The following HADH variants were observed in gnomAD, a reference collection of about 807,000 sequenced individuals.
The protein encoded by HADH is hydroxyacyl-CoA dehydrogenase, also known as hydroxyacyl-coenzyme A dehydrogenase, mitochondrial.
In HADH, 24 loss-of-function variants were observed where a neutral mutation model predicts 32.2. The observed-to-expected ratio is 0.75, with a 90% confidence interval of 0.54 to 1.05. The LOEUF is 1.05. Ranked by LOEUF, HADH falls within the 50% of genes least tolerant of loss-of-function variation. The pLI, the probability that HADH is intolerant of heterozygous loss-of-function variation, is 0.00. For synonymous variants in HADH, 139 were observed against 152.5 expected, an observed-to-expected ratio of 0.91 and a Z score of 0.65; for missense variants, 350 against 397.1, an observed-to-expected ratio of 0.88 and a Z score of 1.01.
chr4:108,004,670 G>A, intron 1 of HADH: 1 of 1,521,412 alleles, frequency 6.6e-7, no homozygotes, highest in African/African-American at 1.4e-5. Context: ...ATAGGAAAGA[G>A]GTTGGCCTCA....
chr4:108,028,834 A>G (rs978147070), intron 6 of HADH: 5 of 397,946 alleles, frequency 1.3e-5, no homozygotes, highest in African/African-American at 6.2e-5. Context: ...CTCACTGTCC[A>G]TTTGATGCAT....
chr4:108,016,409 A>T (rs903478857), intron 3 of HADH, among the ~76,000 whole-genome samples: 3 of 152,170 alleles, frequency 2.0e-5, no homozygotes, highest in African/African-American at 4.8e-5. Flanking sequence ...CCTTTCTGTC[A>T]TCTGTCCATC....
intron 6 of HADH, chr4:108,032,196 C>T: frequency 1.8e-6 from 1 of 563,516 alleles, no homozygotes; most frequent in Non-Finnish European, 3.3e-6. Context: ...CCACCTGTTG[C>T]AGACTATTCT....
At chr4:108,009,423 C>T (rs1342224218) in intron 1 of HADH, among the ~76,000 whole-genome samples, 1 of 152,210 alleles carries the variant, frequency 6.6e-6, no homozygotes, top group Non-Finnish European at 1.5e-5. Flanking sequence ...GTGTTAAAAT[C>T]AGTACAGAGA....
intron 6 of HADH, 30 bp from the exon 7 acceptor site, chr4:108,033,146 G>A (rs759779773): frequency 4.9e-6 from 5 of 1,020,012 alleles, no homozygotes; most frequent in Non-Finnish European, 6.3e-6. Context: ...GAAAGGTGGT[G>A]GTGACCCAGT....
At chr4:107,996,097 GA>G (rs1734950934) in intron 1 of HADH, among the ~76,000 whole-genome samples, 1 of 152,292 alleles carries the variant, frequency 6.6e-6, no homozygotes, top group East Asian at 1.9e-4. Context: ...CTCCATACCA[GA>G]AAAGGCTCTG....
intron 6 of HADH, chr4:108,028,790 G>GCAT (rs1736155097): frequency 5.0e-6 from 2 of 397,394 alleles, no homozygotes; most frequent in Non-Finnish European, 8.9e-6. Flanking sequence ...TTAGAATGTA[G>GCAT]CATGTGAGAG....
chr4:108,016,751 C>T lies in HADH; in HGVS notation c.419+2163C>T, dbSNP rs186110567. On this transcript the variant is annotated intron_variant, in intron 3 of 7. Coordinates refer to ENST00000309522, the MANE Select transcript of HADH (RefSeq NM_005327.7). ...CCAGCCTTGGAAAGGTCCTCAGTTT[C>T]GTCATCTGTAATGCAAGTTGAGGTG... 1.7e-4 allele frequency among the ~76,000 whole-genome samples: 26 copies of T among 152,272 alleles called. No individual in the cohort carries two copies. In the East Asian group the frequency reaches 3.9e-3, roughly 23 times the overall value.
chr4:108,011,954 TG>T lies in HADH; in HGVS notation c.261+2068del, dbSNP rs1241776876. On this transcript the variant is annotated intron_variant, in intron 2 of 7. Transcript: ENST00000309522. Reference sequence around the variant, plus strand: ...CTACCCAGGCTGGAGAGCAGTGGCATGATCATAGTTCACTATAGCCTTGAAC... The same window carrying T: ...CTACCCAGGCTGGAGAGCAGTGGCATATCATAGTTCACTATAGCCTTGAAC... Among the ~76,000 whole-genome samples the T allele has an allele frequency of 3.3e-5, 5 of 152,262 alleles. 1 individual carries two copies. The highest frequency in any genetic ancestry group is 1.2e-4 in the African/African-American group (5 of 41,548).
intron 6 of HADH, chr4:108,032,361 G>A (rs753286034): frequency 2.5e-6 from 4 of 1,600,232 alleles, no homozygotes; most frequent in Middle Eastern, 1.7e-4. Context: ...ACTCGGGTTT[G>A]GGCTTTTCTT....
intron 1 of HADH, among the ~76,000 whole-genome samples, chr4:107,999,649 C>T (rs1005960830): frequency 1.2e-4 from 18 of 152,168 alleles, no homozygotes; most frequent in Admixed American, 4.6e-4. Context: ...GAAAAAATAG[C>T]TCTGTCATTC....
At chr4:108,023,111 G>A (rs1369280564) in intron 4 of HADH, among the ~76,000 whole-genome samples, 2 of 151,494 alleles carry the variant, frequency 1.3e-5, no homozygotes, top group Non-Finnish European at 2.9e-5. Flanking sequence ...CTTCTGCCTG[G>A]GCCTCCCAAG....
At chr4:108,016,560 CA>C (rs1204909100) in intron 3 of HADH, among the ~76,000 whole-genome samples, 3 of 152,204 alleles carry the variant, frequency 2.0e-5, no homozygotes, top group Non-Finnish European at 4.4e-5. Context: ...ACAGCCACCC[CA>C]AAAAAGGGAG....
intron 5 of HADH, chr4:108,027,257 G>A (rs901071197): frequency 3.2e-6 from 1 of 316,376 alleles, no homozygotes. Flanking sequence ...TGGGTGTAGG[G>A]CTGTGTGTAC....
intron 6 of HADH, chr4:108,028,867 A>G (rs1038694866): frequency 1.3e-5 from 5 of 398,236 alleles, no homozygotes; most frequent in Non-Finnish European, 1.8e-5. Flanking sequence ...CAAGTATCAG[A>G]TGGTAAGTTG....
chr4:108,027,704 T>C lies in HADH; in HGVS notation c.653T>C (p.Ile218Thr). The C allele has an allele frequency of 2.5e-6, 4 of 1,608,810 alleles. No homozygotes were observed. In the East Asian group the frequency reaches 6.7e-5, roughly 27 times the overall value. Residue 218 changes from isoleucine (I) to threonine (T), a missense_variant, in exon 6 of 8, where the codon ATT becomes ACT. Coordinates refer to ENST00000309522, the MANE Select transcript of HADH (RefSeq NM_005327.7). ...PVSCKDTPGFIVNRLLVPYLM... is the reference protein window; with the variant it reads ...PVSCKDTPGFTVNRLLVPYLM... ...CCAAAACAGGACACTCCTGGGTTTATTGTGAACCGCCTCCTGGTTCCATAC... is the reference window on the plus strand; with the variant it reads ...CCAAAACAGGACACTCCTGGGTTTACTGTGAACCGCCTCCTGGTTCCATAC...
At chr4:108,005,026 C>A in intron 1 of HADH, 1 of 745,888 alleles carries the variant, frequency 1.3e-6, no homozygotes, top group South Asian at 1.8e-5. Context: ...TACTGTAACT[C>A]ACCATATATA....
At chr4:108,009,970 T>A in intron 2 of HADH, 83 bp downstream of exon 2, 1 of 884,412 alleles carries the variant, frequency 1.1e-6, no homozygotes, top group Non-Finnish European at 1.7e-6. Context: ...TCTGGCTTTC[T>A]TTCTTTCTTT....
In HADH at chr4:107,996,117, T is replaced by C. The variant is rs1239278596; in HGVS notation, c.132+6053T>C. 1.3e-5 allele frequency among the ~76,000 whole-genome samples: 2 copies of C among 152,230 alleles called. 1 individual carries two copies. Among genetic ancestry groups the C allele is most frequent in the South Asian group, 4.1e-4 (2 of 4,830 alleles). On this transcript the variant is annotated intron_variant, in intron 1 of 7. Coordinates refer to ENST00000309522, the MANE Select transcript of HADH (RefSeq NM_005327.7). ...TACCAGAAAAGGCTCTGTAACTTTT[T>C]GGTCATGGGAGAGCTCTTTCCTCTG...
Sources: allele counts gnomAD v4.1 joint callset (sites outside exome capture counted in the v4.1 genomes callset), GRCh38; gene constraint gnomAD v4.1.1; transcripts MANE v1.5; gene names NCBI Gene and HGNC (gene_info 2026-07-23, HGNC 2026-07-21).